Variants in ADGRD1 observed in about 807,000 individuals in gnomAD.
ADGRD1 encodes the protein G-protein coupled receptor 133.
Under a neutral mutation model 113.4 loss-of-function variants are expected in ADGRD1, and 77 were observed. The ratio of observed to expected loss-of-function variants is 0.68; its 90% CI spans 0.57 to 0.82. The LOEUF (loss-of-function observed/expected upper bound fraction) is 0.82, where lower values mean the gene tolerates loss of function less well. Ranked by LOEUF, ADGRD1 falls within the 40% of genes least tolerant of loss-of-function variation. ADGRD1 has a pLI of 0.00. For missense variants in ADGRD1, 1,036 were observed against 1,139.1 expected, an observed-to-expected ratio of 0.91 and a Z score of 1.30; for synonymous variants, 474 against 475.0, an observed-to-expected ratio of 1.00 and a Z score of 0.03.
At chr12:130,964,622 T>A (rs549112650) in intron 2 of ADGRD1, among the ~76,000 whole-genome samples, 2 of 152,152 alleles carry the variant, frequency 1.3e-5, no homozygotes, top group Admixed American at 1.3e-4. Flanking sequence ...GAGGCGGAGG[T>A]TGCAGTGAGC....
intron 13 of ADGRD1, among the ~76,000 whole-genome samples, chr12:131,065,737 T>C (rs1169223502): frequency 6.6e-6 from 1 of 152,010 alleles, no homozygotes; most frequent in Non-Finnish European, 1.5e-5. Flanking sequence ...GTTGTGCGCA[T>C]GAAGGAGAGG....
intron 11 of ADGRD1, among the ~76,000 whole-genome samples, chr12:131,005,451 GA>G (rs1876964024): frequency 6.6e-6 from 1 of 152,216 alleles, no homozygotes; most frequent in Admixed American, 6.5e-5. Flanking sequence ...ATAGAGGTGT[GA>G]CCAGGTGAAG....
At chr12:130,998,023 G>A (rs1162054068) in intron 8 of ADGRD1, among the ~76,000 whole-genome samples, 3 of 152,208 alleles carry the variant, frequency 2.0e-5, no homozygotes, top group Admixed American at 6.5e-5. Flanking sequence ...CCAACACAGC[G>A]AAACCCCGTC....
intron 2 of ADGRD1, among the ~76,000 whole-genome samples, chr12:130,955,123 C>CATTTTTTTTTTTT (rs1555232321): frequency 1.0e-4 from 10 of 99,716 alleles, no homozygotes; most frequent in Admixed American, 2.1e-4. Context: ...CTACACCCAG[C>CATTTTTTTTTTTT]TTTTTTTTTT....
At chr12:130,983,725 A>G (rs1448276020) in intron 5 of ADGRD1, among the ~76,000 whole-genome samples, 1 of 152,176 alleles carries the variant, frequency 6.6e-6, no homozygotes, top group Admixed American at 6.5e-5. Context: ...GAGACTCAAA[A>G]TTATCAGAAA....
chr12:131,137,762 A>C, intron 23 of ADGRD1: 1 of 294,774 alleles, frequency 3.4e-6, no homozygotes, highest in Non-Finnish European at 6.6e-6. Flanking sequence ...GACCCCTTGC[A>C]AGGCCTGAGG....
At chr12:130,994,403 G>T (rs1297188512) in intron 8 of ADGRD1, 5 of 272,446 alleles carry the variant, frequency 1.8e-5, no homozygotes, top group African/African-American at 1.1e-4. Flanking sequence ...CCTGCCTGTA[G>T]CTAAGGTATG....
At chr12:130,982,590 C>T (rs868147318) in intron 5 of ADGRD1, among the ~76,000 whole-genome samples, 53 of 152,094 alleles carry the variant, frequency 3.5e-4, no homozygotes, top group African/African-American at 1.1e-3. Context: ...TAAAGCATGA[C>T]GAGAAGAAGC....
chr12:131,044,275 C>T (rs1322163570), intron 13 of ADGRD1, among the ~76,000 whole-genome samples: 1 of 152,190 alleles, frequency 6.6e-6, no homozygotes, highest in Non-Finnish European at 1.5e-5. Context: ...ACATGGGTGC[C>T]CTTGTGTCCT....
intron 13 of ADGRD1, among the ~76,000 whole-genome samples, chr12:131,048,359 C>T (rs1389467466): frequency 1.3e-5 from 2 of 152,200 alleles, no homozygotes; most frequent in African/African-American, 4.8e-5. Flanking sequence ...CAGGAGTGCA[C>T]CTATGTCTGT....
At chr12:131,034,955 C>T (rs1881213725) in intron 13 of ADGRD1, among the ~76,000 whole-genome samples, 1 of 152,204 alleles carries the variant, frequency 6.6e-6, no homozygotes, top group South Asian at 2.1e-4. Context: ...CCCTCCACAG[C>T]AGGACGAGTG....
At chr12:131,135,933 G>T (rs1408777269) in intron 21 of ADGRD1, 104 bp from the exon 22 acceptor site, 2 of 1,264,850 alleles carry the variant, frequency 1.6e-6, no homozygotes, top group Non-Finnish European at 2.2e-6. Context: ...CTCCCGGCAG[G>T]GCGGTGCCTG....
At chr12:130,994,217 C>T (rs1288698193) in intron 8 of ADGRD1, 1 of 447,076 alleles carries the variant, frequency 2.2e-6, no homozygotes, top group Admixed American at 2.4e-5. Context: ...GGTCCTTATG[C>T]ATGTATGCAC....
At chr12:131,051,277 A>G (rs1883359867) in intron 13 of ADGRD1, among the ~76,000 whole-genome samples, 1 of 152,142 alleles carries the variant, frequency 6.6e-6, no homozygotes, top group South Asian at 2.1e-4. Context: ...CTTTTGATTG[A>G]CATCAACAAT....
intron 15 of ADGRD1, among the ~76,000 whole-genome samples, chr12:131,095,382 AGAG>A (rs1383457098): frequency 3.3e-5 from 5 of 152,220 alleles, no homozygotes; most frequent in Non-Finnish European, 7.3e-5. Flanking sequence ...TGCTCCTTTT[AGAG>A]GAGAAGCATA....
intron 7 of ADGRD1, among the ~76,000 whole-genome samples, chr12:130,991,913 G>A (rs909759145): frequency 6.6e-6 from 1 of 152,092 alleles, no homozygotes; most frequent in African/African-American, 2.4e-5. Flanking sequence ...TTGAGGTCCG[G>A]AGCTCGAGAC....
chr12:131,090,008 T>C (rs1279981992), intron 15 of ADGRD1, among the ~76,000 whole-genome samples: 2 of 152,124 alleles, frequency 1.3e-5, no homozygotes, highest in Non-Finnish European at 2.9e-5. Context: ...ACTGTGTTTT[T>C]GTGTGTTGTG....
intron 2 of ADGRD1, among the ~76,000 whole-genome samples, chr12:130,960,452 T>A (rs894017258): frequency 6.6e-5 from 10 of 152,150 alleles, no homozygotes; most frequent in African/African-American, 1.4e-4. Context: ...AATAGAATTT[T>A]AAAAAAACAA....
intron 15 of ADGRD1, among the ~76,000 whole-genome samples, chr12:131,094,001 GAGCACCCAGCCTC>G (rs1157116341): frequency 4.8e-5 from 3 of 62,168 alleles, no homozygotes; most frequent in East Asian, 2.5e-3. Context: ...ACCCAGCCCT[GAGCACCCAGCCTC>G]AGCACCCAGC....
Sources: gnomAD v4.1 joint callset for allele counts (sites outside exome capture counted in the v4.1 genomes callset) on GRCh38, gnomAD v4.1.1 for gene constraint, MANE v1.5 for transcripts, NCBI Gene and HGNC (gene_info 2026-07-23, HGNC 2026-07-21) for gene names.